The following NDUFAF1 variants were observed in gnomAD, a reference collection of about 807,000 sequenced individuals.
The protein encoded by NDUFAF1 is complex I intermediate-associated protein 30, mitochondrial.
In NDUFAF1, 18 loss-of-function variants were observed where a neutral mutation model predicts 28.7. That is an observed-to-expected ratio of 0.63 (90% CI 0.43 to 0.93). The LOEUF (loss-of-function observed/expected upper bound fraction) is 0.93, where lower values mean the gene tolerates loss of function less well. NDUFAF1 is among the 40% of genes least tolerant of loss of function. NDUFAF1 has a pLI of 0.00. For missense variants in NDUFAF1, 404 were observed against 398.3 expected, an observed-to-expected ratio of 1.01 and a Z score of -0.12; for synonymous variants, 113 against 139.7, an observed-to-expected ratio of 0.81 and a Z score of 1.35.
chr15:41,399,583 G>A (rs981038993), intron 1 of NDUFAF1, among the ~76,000 whole-genome samples: 5 of 151,300 alleles, frequency 3.3e-5, no homozygotes, highest in South Asian at 2.1e-4. Context: ...GGCCGGGCGC[G>A]GTGGCTCACG....
At position 41,397,064 on chromosome 15, in the gene NDUFAF1, C is replaced by T. The variant is rs746578235; in HGVS notation, c.-5G>A. The T allele has an allele frequency of 6.2e-7, 1 of 1,611,968 alleles. No individual in the cohort carries two copies. The highest frequency in any genetic ancestry group is 8.5e-7 in the Non-Finnish European group (1 of 1,179,200). On this transcript the variant is annotated 5_prime_UTR_variant, in exon 2 of 5. Coordinates refer to ENST00000260361, the MANE Select transcript of NDUFAF1 (RefSeq NM_016013.4). ...CAATTTGTGAACCAAAGCCATGGTACAAAAAAATCAAAATGTAAGTTTCTT... is the reference window on the plus strand; with the variant it reads ...CAATTTGTGAACCAAAGCCATGGTATAAAAAAATCAAAATGTAAGTTTCTT...
chr15:41,397,174 A>G (rs1417136990), intron 1 of NDUFAF1, 34 bp from the exon 2 acceptor site: 6 of 755,526 alleles, frequency 7.9e-6, no homozygotes, highest in Non-Finnish European at 1.3e-5. Context: ...AATTATCAGC[A>G]TAGCAATGAA....
In NDUFAF1 at chr15:41,402,267, C is replaced by G. The variant is rs190265352; in HGVS notation, c.-205G>C. ...GTTCCAAGGCTAATTTACCCGAGGT[C>G]ACACAGGTAGTGAGTGGCAAAATTC... On this transcript the variant is annotated 5_prime_UTR_variant, in exon 1 of 5. Transcript: ENST00000260361. 389 of 454,122 alleles carry G rather than the reference C, an allele frequency of 8.6e-4. 2 individuals carry two copies. Among genetic ancestry groups the G allele is most frequent in the African/African-American group, 7.3e-3 (364 of 50,146 alleles). 28.1% of individuals were successfully genotyped at this position (454,122 alleles called of 1,614,324 possible). A position where few individuals can be genotyped will look rare whatever the true frequency, so the allele number is the denominator to read the frequency against.
In NDUFAF1 at chr15:41,390,287, T is replaced by C. The variant is rs1202119605; in HGVS notation, c.760-1765A>G. ...AAAATTGTTGTCTACTTATATAATA[T>C]CATGCAGACATTAAAAATGATGTAG... On this transcript the variant is annotated intron_variant, in intron 3 of 4. Transcript: ENST00000260361. Among the ~76,000 whole-genome samples, 4 of 152,168 alleles carry C rather than the reference T, an allele frequency of 2.6e-5. No homozygotes were observed. The East Asian group carries it at 7.7e-4, about 29-fold the overall frequency.
At chr15:41,399,282 G>A (rs955706476) in intron 1 of NDUFAF1, among the ~76,000 whole-genome samples, 1 of 151,948 alleles carries the variant, frequency 6.6e-6, no homozygotes, top group African/African-American at 2.4e-5. Flanking sequence ...TGTAATCCCA[G>A]CTACTTGGGA....
chr15:41,388,258 T>A (rs925308903), intron 4 of NDUFAF1, among the ~76,000 whole-genome samples, 190 bp downstream of exon 4: 1 of 152,098 alleles, frequency 6.6e-6, no homozygotes, highest in African/African-American at 2.4e-5. Flanking sequence ...AAATGATCCT[T>A]CTAAAATTCC....
In NDUFAF1 at chr15:41,396,969, G is replaced by A. The variant is rs771572097; in HGVS notation, c.91C>T (p.Arg31Cys). The A allele has an allele frequency of 2.7e-5, 43 of 1,611,762 alleles. No homozygotes were observed. Among genetic ancestry groups the A allele is most frequent in the Admixed American group, 2.4e-4 (14 of 59,392 alleles). Reference sequence around the variant, plus strand: ...AGACTACTGGAATACTCTGCAAAGCGAATACCCAAAAATGGATACAAGGCA... The same window carrying A: ...AGACTACTGGAATACTCTGCAAAGCAAATACCCAAAAATGGATACAAGGCA... The part of the protein sequence containing the change: ...TSALYPFLGI[R>C]FAEYSSSLQK... The change falls in exon 2 of 5, where the codon CGC becomes TGC. Residue 31 changes from arginine to cysteine, a missense_variant. Transcript: ENST00000260361.
rs369731294 is a variant in NDUFAF1, at chr15:41,396,531, A to T, written c.529T>A (p.Ser177Thr). The T allele has an allele frequency of 6.2e-7, 1 of 1,613,942 alleles. No individual in the cohort carries two copies. The highest frequency in any genetic ancestry group is 8.5e-7 in the Non-Finnish European group (1 of 1,180,006). The change falls in exon 2 of 5, where the codon TCT (serine) becomes ACT (threonine). Residue 177 changes from serine (S) to threonine (T), a missense_variant. Physicochemically the swap from Ser to Thr is moderately conservative, Grantham distance 58. Transcript: ENST00000260361. ...LSSEAPQDGE[S>T]TRSGYCAMIS... Reference sequence around the variant, plus strand: ...ATTGCACAGTACCCACTTCGGGTAGACTCCCCGTCCTGAGGCGCCTCAGAG... The same window carrying T: ...ATTGCACAGTACCCACTTCGGGTAGTCTCCCCGTCCTGAGGCGCCTCAGAG...
intron 3 of NDUFAF1, 107 bp from the exon 4 acceptor site, chr15:41,388,629 T>C (rs2050279972): frequency 2.6e-6 from 2 of 770,392 alleles, no homozygotes; most frequent in Non-Finnish European, 4.5e-6. Flanking sequence ...AATTATGTCA[T>C]ATATGTATTA....
Position 41,396,737 on chromosome 15 carries a change from G to A in NDUFAF1, c.323C>T (p.Pro108Leu), listed in dbSNP as rs773320114. The A allele has an allele frequency of 1.7e-5, 28 of 1,613,934 alleles. 1 individual carries two copies. In the East Asian group the frequency reaches 1.8e-4, roughly 10 times the overall value. Residue 108 changes from proline to leucine, a missense_variant, in exon 2 of 5, where the codon CCG (proline) becomes CTG (leucine). Physicochemically the swap from Pro to Leu is moderately conservative, Grantham distance 98 (BLOSUM62 -3). Transcript: ENST00000260361. ...GACCTCATGCAGAGGGTGGCCTTCC[G>A]GTCCTCTCCAATGATCCACAATTTC... ...KDEIVDHWRG[P>L]EGHPLHEVLL...
intron 2 of NDUFAF1, among the ~76,000 whole-genome samples, chr15:41,396,044 C>G (rs544086012): frequency 6.6e-6 from 1 of 151,102 alleles, no homozygotes; most frequent in African/African-American, 2.4e-5. Flanking sequence ...GCCGAGATCA[C>G]GCCACTGCAC....
At chr15:41,397,616 G>A (rs2050407682) in intron 1 of NDUFAF1, among the ~76,000 whole-genome samples, 1 of 151,868 alleles carries the variant, frequency 6.6e-6, no homozygotes, top group African/African-American at 2.4e-5. Flanking sequence ...TGGCTAACAC[G>A]GTGAAACCCC....
At chr15:41,400,472 C>A (rs951635573) in intron 1 of NDUFAF1, among the ~76,000 whole-genome samples, 77 of 151,020 alleles carry the variant, frequency 5.1e-4, no homozygotes, top group African/African-American at 1.8e-3. Context: ...CTCTGGAGTA[C>A]CTGGGATTAC....
intron 3 of NDUFAF1, among the ~76,000 whole-genome samples, chr15:41,390,698 A>G (rs28600680): frequency 0.39 from 57,729 of 149,356 alleles, 11,980 homozygotes; most frequent in African/African-American, 0.55. Flanking sequence ...GCACTCCAGC[A>G]TGGGCAACAG....
chr15:41,396,267 C>T (rs894811767), intron 2 of NDUFAF1, among the ~76,000 whole-genome samples: 1 of 152,056 alleles, frequency 6.6e-6, no homozygotes, highest in African/African-American at 2.4e-5. Flanking sequence ...AAGCAATGCG[C>T]AGAAACAAGT....
chr15:41,399,659 C>T (rs888271395), intron 1 of NDUFAF1, among the ~76,000 whole-genome samples: 23 of 151,252 alleles, frequency 1.5e-4, no homozygotes, highest in Admixed American at 6.6e-4. Context: ...TCGAGACCAT[C>T]CCGGCTAAAA....
chr15:41,399,126 C>T (rs898211362), intron 1 of NDUFAF1, among the ~76,000 whole-genome samples: 24 of 152,008 alleles, frequency 1.6e-4, no homozygotes, highest in African/African-American at 5.3e-4. Context: ...ATTGGCCTGG[C>T]ACGGTGGCTC....
intron 3 of NDUFAF1, among the ~76,000 whole-genome samples, chr15:41,392,367 C>A (rs879755270): frequency 3.3e-5 from 5 of 152,094 alleles, no homozygotes; most frequent in Non-Finnish European, 5.9e-5. Flanking sequence ...AGCCACCTAG[C>A]CCAGCCTGGA....
rs759432475 is a variant in NDUFAF1, at chr15:41,394,917, T to C, written c.701A>G (p.Asn234Ser). Reference protein sequence around the residue: ...KEDTDFFQRTNQMYSYFMFTR... With the variant: ...KEDTDFFQRTSQMYSYFMFTR... ...GAACATGAAGTAACTATACATCTGA[T>C]TCGTCCTCTGGAAGAAATCTGTGTC... is the stretch of plus-strand genomic sequence containing the variant. The change falls in exon 3 of 5, where the codon AAT becomes AGT. Residue 234 changes from asparagine (N) to serine (S), a missense_variant. Physicochemically the swap from Asn to Ser is conservative, Grantham distance 46. Coordinates refer to ENST00000260361, the MANE Select transcript of NDUFAF1 (RefSeq NM_016013.4). 55 of 1,614,056 alleles carry C rather than the reference T, an allele frequency of 3.4e-5. No homozygotes were observed. The highest frequency in any genetic ancestry group is 6.7e-5 in the Admixed American group (4 of 59,980).
Sources: allele counts gnomAD v4.1 joint callset (sites outside exome capture counted in the v4.1 genomes callset), GRCh38; gene constraint gnomAD v4.1.1; transcripts MANE v1.5; gene names NCBI Gene and HGNC (gene_info 2026-07-23, HGNC 2026-07-21).